SCYL3: variants seen among roughly 807,000 people sequenced by gnomAD.
SCYL3 encodes SCY1 like pseudokinase 3.
In SCYL3, 35 loss-of-function variants were observed where a neutral mutation model predicts 73.8. The ratio of observed to expected loss-of-function variants is 0.47; its 90% CI spans 0.36 to 0.63. SCYL3 has a LOEUF of 0.63. Among genes scored for constraint, SCYL3 ranks in the 20% least tolerant of loss-of-function variants. The probability of loss-of-function intolerance (pLI) is 0.00; values close to 1 mark genes in which losing one functional copy is unlikely to be tolerated. For missense variants in SCYL3, 712 were observed against 798.9 expected, an observed-to-expected ratio of 0.89 and a Z score of 1.31; for synonymous variants, 277 against 295.2, an observed-to-expected ratio of 0.94 and a Z score of 0.63.
At position 169,854,537 on chromosome 1, in the gene SCYL3, T is replaced by G. The variant is rs1186603710; in HGVS notation, c.1740A>C (p.Gln580His). ...SLVQRGDDAD[Q>H]IEPPKVSSQE... ...GTGATGACACTTTTGGCGGCTCGAT[T>G]TGGTCTGCGTCATCCCCCCTTTGTA... Residue 580 changes from glutamine to histidine, a missense_variant, in exon 12 of 13, where the codon CAA (glutamine) becomes CAC (histidine). Physicochemically the swap from Gln to His is conservative, Grantham distance 24. Around this residue, in one of 2 missense-constraint regions of SCYL3, gnomAD observed 370 missense variants for 350.8 expected, o/e 1.05. Transcript: ENST00000367771. 2 of 1,613,872 alleles carry G rather than the reference T, an allele frequency of 1.2e-6. No individual in the cohort carries two copies. Among genetic ancestry groups the G allele is most frequent in the Admixed American group, 3.3e-5 (2 of 59,952 alleles).
chr1:169,870,454 A>G (rs10919260), intron 5 of SCYL3, 97 bp from the exon 6 acceptor site: 117,826 of 737,274 alleles, frequency 0.16, 9,851 homozygotes, highest in Admixed American at 0.21. Flanking sequence ...TATTTATTAT[A>G]CTCAAATCTA....
chr1:169,880,762 CT>C (rs369829919), intron 2 of SCYL3, among the ~76,000 whole-genome samples: 9,190 of 138,426 alleles, frequency 0.066, 322 homozygotes, highest in Non-Finnish European at 0.099. Context: ...ATGAAGGCCA[CT>C]TTTTTTTTTT....
In SCYL3 at chr1:169,878,719, TC is replaced by T; in HGVS notation, c.265del (p.Glu89LysfsTer32). The T allele has an allele frequency of 6.2e-7, 1 of 1,613,922 alleles. No homozygotes were observed. The highest frequency in any genetic ancestry group is 8.5e-7 in the Non-Finnish European group (1 of 1,179,940). On this transcript the variant is annotated frameshift_variant, in exon 3 of 13. Coordinates refer to ENST00000367771, the MANE Select transcript of SCYL3 (RefSeq NM_020423.7). LOFTEE classifies it high-confidence loss of function. ...AGAAGACAATGTTTCCAAAGCCACT[TC>T]CAGGGGCTGTACTCGCTCAGTGACA... ...HLVTERVQPL[E>X]VALETLSSAE...
In SCYL3 at chr1:169,853,172, A is replaced by G. The variant is rs1360818038; in HGVS notation, c.*541T>C. On this transcript the variant is annotated 3_prime_UTR_variant, in exon 13 of 13. Coordinates refer to ENST00000367771, the MANE Select transcript of SCYL3 (RefSeq NM_020423.7). The stretch of plus-strand genomic sequence containing the variant: ...ATTAAGAACTTTGGTACAATGTACT[A>G]CATGTGGAACAGTCAGGAACTGCCT... 2 of 631,614 alleles carry G rather than the reference A, an allele frequency of 3.2e-6. No homozygotes were observed. Among genetic ancestry groups the G allele is most frequent in the Non-Finnish European group, 5.5e-6 (2 of 363,962 alleles). The allele number at this position is 631,614 out of a possible 1,614,324, so 39.1% of individuals were successfully genotyped here.
rs751875947 is a variant in SCYL3, at chr1:169,862,662, T to C, written c.1091A>G (p.Tyr364Cys). The change falls in exon 10 of 13, where the codon TAC becomes TGC. Residue 364 changes from tyrosine (Y) to cysteine (C), a missense_variant. Coordinates refer to ENST00000367771, the MANE Select transcript of SCYL3 (RefSeq NM_020423.7). ...CTGCTCCTGAGTGAAGTGCTCCACGTAGGCCTCGATGTGAGACAGCAGCAC... is the reference window on the plus strand; with the variant it reads ...CTGCTCCTGAGTGAAGTGCTCCACGCAGGCCTCGATGTGAGACAGCAGCAC... ...RMVLLSHIEA[Y>C]VEHFTQEQLK... 3 of 1,614,144 alleles carry C rather than the reference T, an allele frequency of 1.9e-6. No individual in the cohort carries two copies. The highest frequency in any genetic ancestry group is 2.2e-5 in the East Asian group (1 of 44,874).
At chr1:169,862,914 ATTCTTTTT>A (rs1659766725) in intron 9 of SCYL3, 117 bp from the exon 10 acceptor site, 1 of 990,498 alleles carries the variant, frequency 1.0e-6, no homozygotes, top group African/African-American at 1.6e-5. Context: ...ACTCTTCTAA[ATTCTTTTT>A]TTCTTTTTGA....
At chr1:169,875,862 T>C (rs901744799) in intron 4 of SCYL3, 116 bp downstream of exon 4, 3 of 499,814 alleles carry the variant, frequency 6.0e-6, no homozygotes. Context: ...TGACAAAAAA[T>C]TCAAGTCTCC....
At chr1:169,857,808 T>TAA (rs1659305689) in intron 11 of SCYL3, among the ~76,000 whole-genome samples, 1 of 152,214 alleles carries the variant, frequency 6.6e-6, no homozygotes, top group Non-Finnish European at 1.5e-5. Flanking sequence ...TGTCCTTGTA[T>TAA]AAACATAGAT....
At chr1:169,892,430 T>C (rs1662151052) in intron 1 of SCYL3, among the ~76,000 whole-genome samples, 1 of 152,198 alleles carries the variant, frequency 6.6e-6, no homozygotes, top group Non-Finnish European at 1.5e-5. Flanking sequence ...GCCAGTGCTT[T>C]AAAAATGATA....
rs372516539 is a variant in SCYL3 at position 169,852,994 on chromosome 1, T to C, written c.*719A>G. The C allele has an allele frequency of 3.7e-5, 59 of 1,606,972 alleles. No individual in the cohort carries two copies. The highest frequency in any genetic ancestry group is 1.0e-4 in the Admixed American group (6 of 59,144). ...CATACATACTCTAGGGTGAAACTTA[T>C]CACTAGGCAGAACTGGGTTTGATGC... On this transcript the variant is annotated 3_prime_UTR_variant, in exon 13 of 13. Coordinates refer to ENST00000367771, the MANE Select transcript of SCYL3 (RefSeq NM_020423.7).
At chr1:169,865,893 A>G (rs991242182) in intron 8 of SCYL3, among the ~76,000 whole-genome samples, 1 of 151,870 alleles carries the variant, frequency 6.6e-6, no homozygotes, top group African/African-American at 2.4e-5. Flanking sequence ...ACTCCTTCCC[A>G]CCAGCCCCCT....
At chr1:169,888,465 A>C (rs547022783) in intron 2 of SCYL3, among the ~76,000 whole-genome samples, 3 of 152,350 alleles carry the variant, frequency 2.0e-5, no homozygotes, top group African/African-American at 7.2e-5. Context: ...ACTGAGTTTT[A>C]TGATGTTTTT....
At chr1:169,890,073 C>T (rs1326310192) in intron 1 of SCYL3, among the ~76,000 whole-genome samples, 2 of 152,198 alleles carry the variant, frequency 1.3e-5, no homozygotes, top group African/African-American at 4.8e-5. Context: ...GGCAGCCTGG[C>T]AGAGGGACCT....
chr1:169,878,836 C>G lies in SCYL3; in HGVS notation c.166-17G>C. The G allele has an allele frequency of 6.3e-7, 1 of 1,595,092 alleles. No homozygotes were observed. The highest frequency in any genetic ancestry group is 8.5e-7 in the Non-Finnish European group (1 of 1,171,540). ...CTTCAAATGCTTTAAAAATACAAAC[C>G]GAAGAGCTGAAGTTAATGACCCCAA... On this transcript the variant is annotated splice_polypyrimidine_tract_variant and intron_variant, in intron 2 of 12. Coordinates refer to ENST00000367771, the MANE Select transcript of SCYL3 (RefSeq NM_020423.7).
rs562609657 is a variant in SCYL3, at chr1:169,873,816, A to C, written c.466-64T>G. On this transcript the variant is annotated intron_variant, in intron 4 of 12. Transcript: ENST00000367771. ...TATGTTTGGTGAACTAATCTCTTAC[A>C]TCAGGTTACATAAGCAATGAGCAAT... The C allele has an allele frequency of 7.1e-4, 834 of 1,166,484 alleles. 1 individual carries two copies. Among genetic ancestry groups the C allele is most frequent in the Middle Eastern group, 9.9e-4 (5 of 5,056 alleles). The allele number at this position is 1,166,484 out of a possible 1,614,324, so 72.3% of individuals were successfully genotyped here.
chr1:169,862,654 G>T lies in SCYL3; in HGVS notation c.1099C>A (p.His367Asn). 1 of 1,614,154 alleles carries T rather than the reference G, an allele frequency of 6.2e-7. No homozygotes were observed. The highest frequency in any genetic ancestry group is 8.5e-7 in the Non-Finnish European group (1 of 1,180,026). Reference protein sequence around the residue: ...LLSHIEAYVEHFTQEQLKKVI... With the variant: ...LLSHIEAYVENFTQEQLKKVI... Reference sequence around the variant, plus strand: ...TTCTTCAGCTGCTCCTGAGTGAAGTGCTCCACGTAGGCCTCGATGTGAGAC... The same window carrying T: ...TTCTTCAGCTGCTCCTGAGTGAAGTTCTCCACGTAGGCCTCGATGTGAGAC... Residue 367 changes from histidine (H) to asparagine (N), a missense_variant, in exon 10 of 13, where the codon CAC becomes AAC. This residue lies in a region of SCYL3 where 342 missense variants were observed against 448.1 expected (regional missense o/e 0.76). Transcript: ENST00000367771.
In SCYL3 at chr1:169,862,744, G is replaced by A. The variant is rs200558118; in HGVS notation, c.1009C>T (p.Arg337Trp). The A allele has an allele frequency of 1.5e-5, 25 of 1,614,092 alleles. No homozygotes were observed. The highest frequency in any genetic ancestry group is 8.8e-5 in the South Asian group (8 of 91,086). The stretch of plus-strand genomic sequence containing the variant: ...AACTGGAGAAGCACGGGGATCACCC[G>A]TGACTGGAACAGGGCTGGTGAGAGC... ...CLLSPALFQS[R>W]VIPVLLQLFE... The change falls in exon 10 of 13, where the codon CGG (arginine) becomes TGG (tryptophan). Residue 337 changes from arginine to tryptophan, a missense_variant. Transcript: ENST00000367771.
intron 7 of SCYL3, 65 bp downstream of exon 7, chr1:169,868,863 C>T (rs1427411094): frequency 8.4e-7 from 1 of 1,196,770 alleles, no homozygotes; most frequent in Non-Finnish European, 1.2e-6. Flanking sequence ...GCCACTTATC[C>T]AAGGCACAAG....
At chr1:169,878,886 T>C in intron 2 of SCYL3, 67 bp from the exon 3 acceptor site, 1 of 1,385,750 alleles carries the variant, frequency 7.2e-7, no homozygotes, top group East Asian at 2.3e-5. Flanking sequence ...TCATATACAT[T>C]ATGGGGGAAA....
Sources: gnomAD v4.1 joint callset for allele counts (sites outside exome capture counted in the v4.1 genomes callset) on GRCh38, gnomAD v4.1.1 for gene constraint, gnomAD v4.1.1 regional missense constraint, MANE v1.5 for transcripts, NCBI Gene and HGNC (gene_info 2026-07-23, HGNC 2026-07-21) for gene names.